The following EHD1 variants were observed in gnomAD, a reference collection of about 807,000 sequenced individuals.
EHD1 encodes the protein EH domain containing 1.
In EHD1, 19 loss-of-function variants were observed where a neutral mutation model predicts 39.0. The observed-to-expected ratio is 0.49, with a 90% CI of 0.34 to 0.72. The LOEUF is 0.72. EHD1 is among the 30% of genes least tolerant of loss of function. The probability of loss-of-function intolerance (pLI) is 0.01; values close to 1 mark genes in which losing one functional copy is unlikely to be tolerated. For synonymous variants in EHD1, 323 were observed against 331.2 expected (o/e 0.98, Z 0.27); for missense variants, 542 against 751.5 (o/e 0.72, Z 3.26).
At chr11:64,877,046 CAA>C (rs1161182309) in intron 1 of EHD1, among the ~76,000 whole-genome samples, 1 of 152,190 alleles carries the variant, frequency 6.6e-6, no homozygotes, top group Non-Finnish European at 1.5e-5. Context: ...AGGCAGGATT[CAA>C]AGATTCCTTC....
rs912609396 is a variant in EHD1 at position 64,852,311 on chromosome 11, C to T, written c.*2022G>A. The T allele has an allele frequency of 8.5e-5, 13 of 152,204 alleles. No homozygotes were observed. The highest frequency in any genetic ancestry group is 3.1e-4 in the African/African-American group (13 of 41,430). The allele number at this position is 152,204 out of a possible 1,614,324, so 9.4% of individuals were successfully genotyped here. A position where few individuals can be genotyped will look rare whatever the true frequency, so the allele number is the denominator to read the frequency against. On this transcript the variant is annotated 3_prime_UTR_variant, in exon 5 of 5. Coordinates refer to ENST00000320631, the MANE Select transcript of EHD1 (RefSeq NM_006795.4). ...CCCGGCTTCCCTGTACTTAAACCGT[C>T]CTTGGGGCTAGCAAGGAGCCAGTCT...
chr11:64,865,927 G>A (rs753808007), intron 2 of EHD1, among the ~76,000 whole-genome samples: 1 of 152,142 alleles, frequency 6.6e-6, no homozygotes, highest in Non-Finnish European at 1.5e-5. Context: ...AACCAGTTCA[G>A]CCACTGTGAA....
intron 2 of EHD1, among the ~76,000 whole-genome samples, chr11:64,860,819 A>G (rs1943708613): frequency 1.3e-5 from 2 of 152,038 alleles, no homozygotes; most frequent in Admixed American, 1.3e-4. Context: ...CAGGAGTTCA[A>G]GACCAGCCTG....
At chr11:64,859,737 A>T (rs1943691866) in intron 3 of EHD1, 187 bp downstream of exon 3, 1 of 780,232 alleles carries the variant, frequency 1.3e-6, no homozygotes, top group Non-Finnish European at 2.0e-6. Context: ...AGAGAATCTT[A>T]GTTAAGAGCA....
At position 64,854,358 on chromosome 11, in the gene EHD1, G is replaced by A. The variant is rs1436949958; in HGVS notation, c.1580C>T (p.Pro527Leu). 3.1e-6 allele frequency: 5 copies of A among 1,610,888 alleles called. No individual in the cohort carries two copies. Among genetic ancestry groups the A allele is most frequent in the East Asian group, 2.2e-5 (1 of 44,856 alleles). The stretch of plus-strand genomic sequence containing the variant: ...TCACTCATGTCTGCGCTTGGAGGGC[G>A]GCACCAGGTGCGGGGGCAGGTCGGC... ...LPADLPPHLV[P>L]PSKRRHE is the part of the protein sequence containing the mutation. The change falls in exon 5 of 5, where the codon CCG becomes CTG. Residue 527 changes from proline (P) to leucine (L), a missense_variant. Physicochemically the swap from Pro to Leu is moderately conservative, Grantham distance 98. Transcript: ENST00000320631.
intron 2 of EHD1, among the ~76,000 whole-genome samples, chr11:64,873,545 T>C (rs1943851976): frequency 6.6e-6 from 1 of 152,114 alleles, no homozygotes; most frequent in Non-Finnish European, 1.5e-5. Flanking sequence ...CCACATAAGA[T>C]TGGCTGTGGT....
chr11:64,862,792 T>C (rs546750709), intron 2 of EHD1, among the ~76,000 whole-genome samples: 3 of 152,324 alleles, frequency 2.0e-5, no homozygotes, highest in South Asian at 4.1e-4. Flanking sequence ...GAGGATAACC[T>C]GAGCCCAGGA....
rs10674960 is a variant in EHD1 at position 64,858,190 on chromosome 11, C to CTTTTTT, written c.915+1728_915+1733dup. Among the ~76,000 whole-genome samples the CTTTTTT allele has an allele frequency of 9.6e-4, 137 of 142,656 alleles. 2 individuals carry two copies. The highest frequency in any genetic ancestry group is 1.3e-3 in the Non-Finnish European group (87 of 65,836). 93.6% of individuals were successfully genotyped at this position (142,656 alleles called of 152,430 possible). Reference sequence around the variant, plus strand: ...TGCCTGGCCAGAGCCTATTTCTTTTCTTTTTTTTTGAGACAGAGTCTTGCT... The same window carrying CTTTTTT: ...TGCCTGGCCAGAGCCTATTTCTTTTCTTTTTTTTTTTTTTTGAGACAGAGTCTTGCT... On this transcript the variant is annotated intron_variant, in intron 3 of 4. Transcript: ENST00000320631.
chr11:64,855,583 G>A (rs1343210052), intron 3 of EHD1, 97 bp from the exon 4 acceptor site: 12 of 1,555,668 alleles, frequency 7.7e-6, no homozygotes, highest in South Asian at 3.4e-5. Flanking sequence ...CAAGGTGCTC[G>A]CTCAGGAACA....
chr11:64,861,503 T>C (rs1398057304), intron 2 of EHD1, among the ~76,000 whole-genome samples: 1 of 152,246 alleles, frequency 6.6e-6, no homozygotes, highest in Non-Finnish European at 1.5e-5. Flanking sequence ...CTGCAGCTGC[T>C]ACTTTTTCAG....
Position 64,860,356 on chromosome 11 carries a change from G to C in EHD1, c.503-20C>G. ...CATAGCCTGGGGGGAAGAGAAGGGA[G>C]AGCTCAGGGGCGCCAAGGGACCTGC... On this transcript the variant is annotated intron_variant, in intron 2 of 4. Coordinates refer to ENST00000320631, the MANE Select transcript of EHD1 (RefSeq NM_006795.4). 1 of 1,596,282 alleles carries C rather than the reference G, an allele frequency of 6.3e-7. No individual in the cohort carries two copies.
chr11:64,855,141 C>T, intron 4 of EHD1, 181 bp downstream of exon 4: 4 of 1,063,866 alleles, frequency 3.8e-6, no homozygotes, highest in Non-Finnish European at 3.9e-6. Flanking sequence ...CCACATTCCC[C>T]TCTGCAGTGT....
At chr11:64,864,272 C>A (rs566805321) in intron 2 of EHD1, among the ~76,000 whole-genome samples, 38 of 152,370 alleles carry the variant, frequency 2.5e-4, no homozygotes, top group Admixed American at 2.2e-3. Context: ...GGTGGATGGT[C>A]GGAGACAGCA....
intron 2 of EHD1, among the ~76,000 whole-genome samples, chr11:64,872,645 G>T (rs1364846135): frequency 6.6e-6 from 1 of 151,074 alleles, no homozygotes; most frequent in Non-Finnish European, 1.5e-5. Flanking sequence ...TAACTCCTAG[G>T]TGCATCACTG....
intron 2 of EHD1, among the ~76,000 whole-genome samples, chr11:64,872,824 C>G (rs631856): frequency 0.89 from 135,020 of 152,236 alleles, 60,395 homozygotes; most frequent in Non-Finnish European, 0.93. Context: ...CATGCCCTCA[C>G]AGCCCTAGCA....
chr11:64,869,242 G>A (rs931325332), intron 2 of EHD1, among the ~76,000 whole-genome samples: 5 of 152,370 alleles, frequency 3.3e-5, no homozygotes, highest in African/African-American at 1.2e-4. Flanking sequence ...CGCCTGGTAC[G>A]CCTCCTCTGT....
Position 64,860,344 on chromosome 11 carries a change from G to A in EHD1, c.503-8C>T. On this transcript the variant is annotated splice_region_variant and splice_polypyrimidine_tract_variant and intron_variant, in intron 2 of 4. Transcript: ENST00000320631. ...CGGCTGCAAAGTCATAGCCTGGGGG[G>A]AAGAGAAGGGAGAGCTCAGGGGCGC... is the stretch of plus-strand genomic sequence containing the variant. 5.6e-6 allele frequency: 9 copies of A among 1,603,996 alleles called. No homozygotes were observed. The highest frequency in any genetic ancestry group is 7.7e-6 in the Non-Finnish European group (9 of 1,172,560).
intron 4 of EHD1, 97 bp from the exon 5 acceptor site, chr11:64,854,954 C>T (rs1337446001): frequency 6.1e-6 from 9 of 1,463,560 alleles, no homozygotes; most frequent in Non-Finnish European, 6.5e-6. Flanking sequence ...GCATAAAGTG[C>T]TGCTCCCCCA....
chr11:64,858,207 A>T (rs1306854601), intron 3 of EHD1, among the ~76,000 whole-genome samples: 1 of 107,632 alleles, frequency 9.3e-6, no homozygotes, highest in African/African-American at 3.2e-5. Context: ...TTTGAGACAG[A>T]GTCTTGCTCT....
Sources: allele counts gnomAD v4.1 joint callset (sites outside exome capture counted in the v4.1 genomes callset), GRCh38; gene constraint gnomAD v4.1.1; transcripts MANE v1.5; gene names NCBI Gene and HGNC (gene_info 2026-07-23, HGNC 2026-07-21).